The following PRKCI variants were observed in gnomAD, a reference collection of about 807,000 sequenced individuals.
PRKCI encodes protein kinase C iota.
In PRKCI, 43 loss-of-function variants were observed where a neutral mutation model predicts 84.0. The ratio of observed to expected loss-of-function variants is 0.51; its 90% CI spans 0.40 to 0.66. The LOEUF (loss-of-function observed/expected upper bound fraction) is 0.66. Among genes scored for constraint, PRKCI ranks in the 30% least tolerant of loss-of-function variants. PRKCI has a pLI of 0.00. For synonymous variants in PRKCI, 216 were observed against 234.4 expected (o/e 0.92, Z 0.72); for missense variants, 459 against 745.6 (o/e 0.62, Z 4.48).
chr3:170,241,658 GGAGAGAGAGAGACAGAGACAGAGAGAGA>G (rs1431836715), intron 2 of PRKCI, among the ~76,000 whole-genome samples: 21 of 151,712 alleles, frequency 1.4e-4, no homozygotes, highest in African/African-American at 4.8e-4. Flanking sequence ...TTTGAGAGAG[GGAGAGAGAGAGACAGAGACAGAGAGAGA>G]GAGAGAAAAG....
At chr3:170,248,887 A>G (rs511377) in intron 2 of PRKCI, among the ~76,000 whole-genome samples, 33,711 of 148,862 alleles carry the variant, frequency 0.23, 4,039 homozygotes, top group African/African-American at 0.3. Context: ...TTGCTTTGTC[A>G]CCCAGGCTGT....
At chr3:170,284,658 A>C (rs2108860970) in intron 12 of PRKCI, 62 bp downstream of exon 12, 1 of 1,506,136 alleles carries the variant, frequency 6.6e-7, no homozygotes, top group Non-Finnish European at 9.0e-7. Context: ...TTGTAAAATA[A>C]CTTCATGTTT....
chr3:170,265,281 A>T (rs1005742567), intron 4 of PRKCI, among the ~76,000 whole-genome samples: 6 of 152,166 alleles, frequency 3.9e-5, no homozygotes, highest in Non-Finnish European at 5.9e-5. Context: ...CAAGCTCTTC[A>T]GGTGATTCTG....
chr3:170,236,612 C>T (rs564065471), intron 2 of PRKCI, among the ~76,000 whole-genome samples: 1 of 152,188 alleles, frequency 6.6e-6, no homozygotes, highest in Admixed American at 6.5e-5. Context: ...CCTGTAATCC[C>T]AGCACTTTAG....
At chr3:170,279,284 G>A (rs1289822804) in intron 8 of PRKCI, among the ~76,000 whole-genome samples, 1 of 152,180 alleles carries the variant, frequency 6.6e-6, no homozygotes, top group East Asian at 1.9e-4. Context: ...ACCTGCTTCA[G>A]CCTCCCTAAG....
At chr3:170,297,534 A>G in intron 16 of PRKCI, 141 bp downstream of exon 16, 1 of 655,594 alleles carries the variant, frequency 1.5e-6, no homozygotes, top group Admixed American at 2.3e-5. Flanking sequence ...AGCTCACTGC[A>G]ACCTCCGCCT....
chr3:170,238,599 T>C (rs1301137691), intron 2 of PRKCI, among the ~76,000 whole-genome samples: 5 of 149,944 alleles, frequency 3.3e-5, no homozygotes, highest in South Asian at 2.1e-4. Context: ...CTTTTCTTTT[T>C]TTTTTTTTTT....
intron 2 of PRKCI, among the ~76,000 whole-genome samples, chr3:170,249,365 A>T (rs554734454): frequency 1.3e-5 from 2 of 152,082 alleles, no homozygotes; most frequent in African/African-American, 4.8e-5. Context: ...TAAAACACTC[A>T]TTGGTATCAT....
chr3:170,242,669 T>TTTTTG (rs924370306), intron 2 of PRKCI, among the ~76,000 whole-genome samples: 3 of 151,970 alleles, frequency 2.0e-5, no homozygotes, highest in South Asian at 4.1e-4. Context: ...ATTTCTTTTG[T>TTTTTG]TTTTGTTTTG....
chr3:170,277,255 GAAAAA>G (rs113651180), intron 8 of PRKCI, among the ~76,000 whole-genome samples: 1 of 135,924 alleles, frequency 7.4e-6, no homozygotes, highest in East Asian at 2.1e-4. Context: ...TTTAAAAAAA[GAAAAA>G]AAAAAGGGCA....
intron 3 of PRKCI, among the ~76,000 whole-genome samples, chr3:170,262,059 T>C (rs967943460): frequency 2.0e-5 from 3 of 152,232 alleles, no homozygotes; most frequent in Admixed American, 6.5e-5. Flanking sequence ...CTTCCTATAG[T>C]CTGTGCTCTT....
At chr3:170,295,187 G>A (rs1017072538) in intron 14 of PRKCI, among the ~76,000 whole-genome samples, 2 of 151,320 alleles carry the variant, frequency 1.3e-5, no homozygotes, top group African/African-American at 4.9e-5. Flanking sequence ...CTCCAGTCTG[G>A]GCAAGACAGT....
chr3:170,285,078 CTTTTT>C (rs199832004), intron 12 of PRKCI, among the ~76,000 whole-genome samples: 1 of 129,814 alleles, frequency 7.7e-6, no homozygotes. Context: ...GTCTTCATTT[CTTTTT>C]TTTTTTTTTT....
At chr3:170,301,494 A>G (rs1447755831) in intron 17 of PRKCI, among the ~76,000 whole-genome samples, 1 of 152,132 alleles carries the variant, frequency 6.6e-6, no homozygotes, top group East Asian at 1.9e-4. Flanking sequence ...ATCTCTTTCT[A>G]TTGTTCTCAA....
chr3:170,287,320 C>G (rs953776651), intron 12 of PRKCI, among the ~76,000 whole-genome samples: 3 of 149,540 alleles, frequency 2.0e-5, no homozygotes, highest in Admixed American at 6.7e-5. Flanking sequence ...GAGATCCTAT[C>G]TAAAATATAT....
intron 15 of PRKCI, 42 bp from the exon 16 acceptor site, chr3:170,297,262 C>T: frequency 1.4e-6 from 2 of 1,456,030 alleles, no homozygotes; most frequent in Non-Finnish European, 1.9e-6. Flanking sequence ...TATTTTAAAG[C>T]ATGACATTCA....
At chr3:170,258,967 A>G (rs907192515) in intron 2 of PRKCI, among the ~76,000 whole-genome samples, 1 of 152,156 alleles carries the variant, frequency 6.6e-6, no homozygotes, top group East Asian at 1.9e-4. Flanking sequence ...CATTAGACAC[A>G]TAGCAGTGAC....
intron 1 of PRKCI, among the ~76,000 whole-genome samples, chr3:170,230,578 C>CT (rs1732760436): frequency 6.6e-6 from 1 of 152,256 alleles, no homozygotes; most frequent in African/African-American, 2.4e-5. Flanking sequence ...GATTCACCCG[C>CT]TGTGGCCTCC....
intron 13 of PRKCI, among the ~76,000 whole-genome samples, chr3:170,292,729 C>T (rs968254184): frequency 6.8e-6 from 1 of 147,384 alleles, no homozygotes; most frequent in Non-Finnish European, 1.5e-5. Flanking sequence ...AAAAAAGCCC[C>T]TGTCCACACC....
Sources: allele counts gnomAD v4.1 joint callset (sites outside exome capture counted in the v4.1 genomes callset), GRCh38; gene constraint gnomAD v4.1.1; transcripts MANE v1.5; gene names NCBI Gene and HGNC (gene_info 2026-07-23, HGNC 2026-07-21).